EDA: variants seen among roughly 807,000 people sequenced by gnomAD.
The protein encoded by EDA is ectodysplasin A, also known as ectodysplasin-A.
EDA carries 2 observed loss-of-function variants against 23.6 expected under a neutral mutation model. The observed-to-expected ratio is 0.08, with a 90% confidence interval of 0.03 to 0.27. EDA has a LOEUF of 0.27. EDA is among the 10% of genes least tolerant of loss of function. The pLI is 1.00. For synonymous variants in EDA, 131 were observed against 132.0 expected (o/e 0.99, Z 0.05); for missense variants, 229 against 324.2 (o/e 0.71, Z 2.26).
At chrX:69,733,590 T>G (rs2013130755) in intron 1 of EDA, among the ~76,000 whole-genome samples, 1 of 111,988 alleles carries the variant, frequency 8.9e-6, no homozygotes, top group African/African-American at 3.2e-5. Context: ...TGCGGGCTCT[T>G]TTTTGGTTCC....
At chrX:69,681,156 C>G (rs1244019881) in intron 1 of EDA, among the ~76,000 whole-genome samples, 1 of 111,411 alleles carries the variant, frequency 9.0e-6, no homozygotes, top group East Asian at 2.8e-4. Context: ...GGCCCCCACT[C>G]TCTTCTGGCT....
chrX:69,684,741 G>A (rs1014960076), intron 1 of EDA, among the ~76,000 whole-genome samples: 5 of 112,502 alleles, frequency 4.4e-5, no homozygotes, highest in African/African-American at 1.3e-4. Flanking sequence ...CAGGAAATAC[G>A]ATTATAAAAC....
intron 1 of EDA, among the ~76,000 whole-genome samples, chrX:69,672,033 A>G (rs1462652222): frequency 8.9e-6 from 1 of 112,105 alleles, no homozygotes. Flanking sequence ...CATTGAAGGA[A>G]CTCAGTAAAT....
At chrX:70,000,251 A>C (rs2019722379) in intron 2 of EDA, among the ~76,000 whole-genome samples, 1 of 112,405 alleles carries the variant, frequency 8.9e-6, no homozygotes, top group Admixed American at 9.4e-5. Flanking sequence ...AGAAATTGAA[A>C]TAAGAGATAT....
At chrX:69,616,860 G>A in intron 1 of EDA, 156 bp downstream of exon 1, 1 of 754,150 alleles carries the variant, frequency 1.3e-6, no homozygotes, top group Non-Finnish European at 1.9e-6. Context: ...GTTGCCCAGG[G>A]CAGGTTGTCT....
intron 2 of EDA, among the ~76,000 whole-genome samples, chrX:69,966,518 G>A (rs1007944821): frequency 1.9e-5 from 2 of 107,244 alleles, no homozygotes; most frequent in Non-Finnish European, 3.8e-5. Context: ...GGTGGAGGTT[G>A]CAGTGAGCCA....
rs1162546134 is a variant in EDA at position 69,788,489 on chromosome X, T to A, written c.397-168538T>A. On this transcript the variant is annotated intron_variant, in intron 1 of 7. Transcript: ENST00000374552. ...GTTTTTGGTGTGGCTGTCCTTTCTG[T>A]TTGTTAGTTTTCCTTCTAACAGACA... Among the ~76,000 whole-genome samples, 564 of 111,968 alleles carry A rather than the reference T, an allele frequency of 5.0e-3. 15 individuals carry two copies. The highest frequency in any genetic ancestry group is 0.044 in the Admixed American group (458 of 10,470).
intron 1 of EDA, among the ~76,000 whole-genome samples, chrX:69,938,590 C>A (rs1201715481): frequency 9.0e-6 from 1 of 111,516 alleles, no homozygotes; most frequent in Non-Finnish European, 1.9e-5. Flanking sequence ...GTTTCCTTTG[C>A]TATGTAGAAG....
intron 1 of EDA, among the ~76,000 whole-genome samples, chrX:69,895,395 T>TACACACACACACACACACACAC (rs200298403): frequency 1.2e-5 from 1 of 86,152 alleles, no homozygotes; most frequent in African/African-American, 4.3e-5. Flanking sequence ...TTTCTCAACC[T>TACACACACACACACACACACAC]ACACACACAC....
intron 1 of EDA, among the ~76,000 whole-genome samples, chrX:69,772,641 T>G (rs904702377): frequency 1.8e-5 from 2 of 110,786 alleles, no homozygotes; most frequent in Admixed American, 9.7e-5. Context: ...CCTCCCTCCC[T>G]CCATTTGGTA....
chrX:69,950,961 G>T (rs2018914599), intron 1 of EDA, among the ~76,000 whole-genome samples: 1 of 76,480 alleles, frequency 1.3e-5, no homozygotes, highest in Non-Finnish European at 2.3e-5. Context: ...GGAGGGGGGA[G>T]GGATAGCATT....
chrX:69,894,844 G>C (rs1413803138), intron 1 of EDA, among the ~76,000 whole-genome samples: 1 of 111,584 alleles, frequency 9.0e-6, no homozygotes, highest in African/African-American at 3.3e-5. Context: ...AAATCATATT[G>C]TCTGCAAACA....
At chrX:69,951,782 G>A (rs925352104) in intron 1 of EDA, among the ~76,000 whole-genome samples, 1 of 111,841 alleles carries the variant, frequency 8.9e-6, no homozygotes, top group Non-Finnish European at 1.9e-5. Context: ...GTTTCCAGCT[G>A]AGATCCCTGT....
intron 1 of EDA, among the ~76,000 whole-genome samples, chrX:69,789,246 C>T (rs779473172): frequency 7.2e-4 from 81 of 112,072 alleles, no homozygotes; most frequent in South Asian, 4.1e-3. Flanking sequence ...CAGAAATCAC[C>T]CGTCTTCTGC....
chrX:69,894,729 A>G (rs1316540847), intron 1 of EDA, among the ~76,000 whole-genome samples: 1 of 111,496 alleles, frequency 9.0e-6, no homozygotes, highest in East Asian at 2.8e-4. Context: ...ATATATAGGA[A>G]TGCTACCGAT....
chrX:69,979,634 A>T (rs1211902656), intron 2 of EDA, among the ~76,000 whole-genome samples: 1 of 111,795 alleles, frequency 8.9e-6, no homozygotes, highest in Non-Finnish European at 1.9e-5. Context: ...CATTTCCCTG[A>T]TGACCGATGA....
chrX:69,676,928 C>A (rs746115461), intron 1 of EDA, among the ~76,000 whole-genome samples: 40 of 103,569 alleles, frequency 3.9e-4, no homozygotes, highest in Admixed American at 3.8e-3. Flanking sequence ...GCTGCACCCA[C>A]TAACTCGTCA....
At chrX:69,894,588 G>A (rs1473097602) in intron 1 of EDA, among the ~76,000 whole-genome samples, 1 of 111,434 alleles carries the variant, frequency 9.0e-6, no homozygotes, top group East Asian at 2.8e-4. Context: ...TCTTTGAGCA[G>A]TGTTTTGTAA....
intron 2 of EDA, 38 bp downstream of exon 2, chrX:69,957,170 T>G (rs375248743): frequency 1.8e-6 from 2 of 1,128,191 alleles, no homozygotes. Flanking sequence ...ACTTCTGAAT[T>G]ATTTGTTAGT....
Sources: gnomAD v4.1 joint callset for allele counts (sites outside exome capture counted in the v4.1 genomes callset) on GRCh38, gnomAD v4.1.1 for gene constraint, MANE v1.5 for transcripts, NCBI Gene and HGNC (gene_info 2026-07-23, HGNC 2026-07-21) for gene names.